PEX1: variants seen among roughly 807,000 people sequenced by gnomAD.
The protein encoded by PEX1 is peroxisomal biogenesis factor 1.
In PEX1, 97 loss-of-function variants were observed where a neutral mutation model predicts 152.5. The ratio of observed to expected loss-of-function variants is 0.64; its 90% CI spans 0.54 to 0.75. The LOEUF (loss-of-function observed/expected upper bound fraction) is 0.75, where lower values mean the gene tolerates loss of function less well. Ranked by LOEUF, PEX1 falls within the 30% of genes least tolerant of loss-of-function variation. The pLI is 0.00. For missense variants in PEX1, 1,357 were observed against 1,516.3 expected, an observed-to-expected ratio of 0.89 and a Z score of 1.74; for synonymous variants, 485 against 531.6, an observed-to-expected ratio of 0.91 and a Z score of 1.21.
At chr7:92,488,511 T>TA (rs1791063139) in intron 23 of PEX1, among the ~76,000 whole-genome samples, 1 of 152,174 alleles carries the variant, frequency 6.6e-6, no homozygotes, top group South Asian at 2.1e-4. Context: ...TAGGTGGCCA[T>TA]AAACTCAATT....
rs1445810034 is a variant in PEX1 at position 92,491,521 on chromosome 7, C to A, written c.3208-19G>T. 1 of 1,448,152 alleles carries A rather than the reference C, an allele frequency of 6.9e-7. No homozygotes were observed. Among genetic ancestry groups the A allele is most frequent in the Non-Finnish European group, 9.7e-7 (1 of 1,029,674 alleles). The allele number at this position is 1,448,152 out of a possible 1,614,324, so 89.7% of individuals were successfully genotyped here. ...TTCCATCCTAAAATACACAAAAGGA[C>A]AACCAGTTTAAAGATGTAAACAATT... On this transcript the variant is annotated intron_variant, in intron 20 of 23. Coordinates refer to ENST00000248633, the MANE Select transcript of PEX1 (RefSeq NM_000466.3).
intron 16 of PEX1, 26 bp from the exon 17 acceptor site, chr7:92,496,803 TA>T: frequency 7.0e-7 from 1 of 1,425,282 alleles, no homozygotes; most frequent in African/African-American, 1.4e-5. Flanking sequence ...AGAGTTGAGA[TA>T]AAATTATTTA....
intron 9 of PEX1, among the ~76,000 whole-genome samples, chr7:92,508,216 G>A (rs1212441471): frequency 6.6e-6 from 1 of 152,132 alleles, no homozygotes; most frequent in African/African-American, 2.4e-5. Context: ...TCTTGACTGT[G>A]ACTGCCTGCC....
rs1345389442 is a variant in PEX1, at chr7:92,509,387, C to T, written c.1612G>A (p.Glu538Lys). The T allele has an allele frequency of 2.5e-6, 4 of 1,612,170 alleles. No homozygotes were observed. The African/African-American group carries it at 4.0e-5, about 16-fold the overall frequency. Reference sequence around the variant, plus strand: ...AAGTCAATTTCCTCACTGTTTTCTTCTTTTACCATAGGATCTAGAAGGACC... The same window carrying T: ...AAGTCAATTTCCTCACTGTTTTCTTTTTTTACCATAGGATCTAGAAGGACC... Reference protein sequence around the residue: ...IQVLLDPMVKEENSEEIDFIL... With the variant: ...IQVLLDPMVKKENSEEIDFIL... The change falls in exon 9 of 24, where the codon GAA (glutamate) becomes AAA (lysine). Residue 538 changes from glutamate (E) to lysine (K), a missense_variant. Transcript: ENST00000248633.
rs760620313 is a variant in PEX1, at chr7:92,494,343, G to A, written c.2980C>T (p.Leu994Phe). 1.9e-6 allele frequency: 3 copies of A among 1,614,030 alleles called. No homozygotes were observed. The highest frequency in any genetic ancestry group is 2.5e-6 in the Non-Finnish European group (3 of 1,179,978). The change falls in exon 19 of 24, where the codon CTT becomes TTT. Residue 994 changes from leucine to phenylalanine, a missense_variant. Leu to Phe is a conservative substitution (Grantham distance 22). Transcript: ENST00000248633. ...CATTTATCTAGTCGACCAGGCCTAAGCAGGGCAGGGTCAATCAAGTCAGGG... is the reference window on the plus strand; with the variant it reads ...CATTTATCTAGTCGACCAGGCCTAAACAGGGCAGGGTCAATCAAGTCAGGG... ...SRPDLIDPAL[L>F]RPGRLDKCVY... is the part of the protein sequence containing the mutation.
rs746068061 is a variant in PEX1 at position 92,489,801 on chromosome 7, C to G, written c.3549G>C (p.Glu1183Asp). Residue 1183 changes from glutamate to aspartate, a missense_variant, in exon 22 of 24, where the codon GAG (glutamate) becomes GAC (aspartate). Transcript: ENST00000248633. The part of the protein sequence containing the change: ...QPPVLRTASQ[E>D]GCQELTQEQR... ...GTTCTTGTGTAAGTTCTTGGCAACC[C>G]TCTTGTGAAGCTGTCCTTAACACTG... The G allele has an allele frequency of 1.5e-5, 24 of 1,613,918 alleles. No homozygotes were observed. In the Admixed American group the frequency reaches 2.0e-4, roughly 13 times the overall value.
rs781110588 is a variant in PEX1, at chr7:92,489,766, T to C, written c.3584A>G (p.Gln1195Arg). 1.4e-5 allele frequency: 23 copies of C among 1,614,046 alleles called. No individual in the cohort carries two copies. The highest frequency in any genetic ancestry group is 1.9e-5 in the Non-Finnish European group (23 of 1,180,026). ...GATAATACTGATATCTGCCCTCAGTTGATCTCTTTGTTCTTGTGTAAGTTC... is the reference window on the plus strand; with the variant it reads ...GATAATACTGATATCTGCCCTCAGTCGATCTCTTTGTTCTTGTGTAAGTTC... ...CQELTQEQRD[Q>R]LRADISIIKG... The change falls in exon 22 of 24, where the codon CAA becomes CGA. Residue 1195 changes from glutamine (Q) to arginine (R), a missense_variant. Coordinates refer to ENST00000248633, the MANE Select transcript of PEX1 (RefSeq NM_000466.3).
chr7:92,494,206 C>T, intron 19 of PEX1, 87 bp downstream of exon 19: 5 of 963,580 alleles, frequency 5.2e-6, no homozygotes, highest in Non-Finnish European at 8.3e-6. Flanking sequence ...CTTCTAAGGA[C>T]AATTGCCATT....
At chr7:92,511,450 C>T (rs1454692771) in intron 7 of PEX1, 130 bp downstream of exon 7, 1 of 793,258 alleles carries the variant, frequency 1.3e-6, no homozygotes, top group African/African-American at 1.7e-5. Context: ...TACATAAAAA[C>T]TACTGTTTAA....
chr7:92,526,207 G>C (rs1418430240), intron 1 of PEX1, among the ~76,000 whole-genome samples: 2 of 152,166 alleles, frequency 1.3e-5, no homozygotes, highest in East Asian at 3.8e-4. Flanking sequence ...CAACTCTTTT[G>C]TGCATCCAAG....
At chr7:92,509,531 C>T in intron 8 of PEX1, 120 bp from the exon 9 acceptor site, 1 of 699,446 alleles carries the variant, frequency 1.4e-6, no homozygotes, top group South Asian at 1.5e-5. Flanking sequence ...ATTATGCATG[C>T]AAGATCATTA....
intron 12 of PEX1, among the ~76,000 whole-genome samples, chr7:92,503,398 A>T (rs1211628627): frequency 6.6e-6 from 1 of 152,174 alleles, no homozygotes; most frequent in Non-Finnish European, 1.5e-5. Context: ...TCTAATGGAG[A>T]CACAAGAGGT....
chr7:92,498,635 C>T (rs35766680), intron 16 of PEX1, among the ~76,000 whole-genome samples: 7,382 of 152,170 alleles, frequency 0.049, 225 homozygotes, highest in African/African-American at 0.081. Context: ...TCTGAAATTA[C>T]ACAGCTAAGA....
Position 92,516,535 on chromosome 7 carries a change from C to G in PEX1, c.1239+741G>C, listed in dbSNP as rs555933328. Among the ~76,000 whole-genome samples, 6 of 151,948 alleles carry G rather than the reference C, an allele frequency of 3.9e-5. No homozygotes were observed. The East Asian group carries it at 1.2e-3, about 29-fold the overall frequency. On this transcript the variant is annotated intron_variant, in intron 5 of 23. Transcript: ENST00000248633. ...AAACTGTTGGAGAAAAAAAAAAAAT[C>G]TACAAAAGGAGACAACCTTCTCTTT...
chr7:92,489,540 T>C, intron 22 of PEX1, 117 bp from the exon 23 acceptor site: 1 of 1,065,034 alleles, frequency 9.4e-7, no homozygotes, highest in African/African-American at 1.6e-5. Context: ...TTCTCTTCCT[T>C]ATAAGATAAT....
intron 1 of PEX1, 61 bp downstream of exon 1, chr7:92,528,246 G>T: frequency 6.5e-7 from 1 of 1,540,942 alleles, no homozygotes. Context: ...GCGTCCCTGA[G>T]AGGCTTCGGC....
rs199591182 is a variant in PEX1 at position 92,517,970 on chromosome 7, C to T, written c.545G>A (p.Arg182His). Residue 182 changes from arginine to histidine, a missense_variant, in exon 5 of 24, where the codon CGC (arginine) becomes CAC (histidine). Arg to His is a conservative substitution (Grantham distance 29). Coordinates refer to ENST00000248633, the MANE Select transcript of PEX1 (RefSeq NM_000466.3). ...TGAAAATGTATTCTCTTTGGCTCGG[C>T]GTGTCTTTGGCTGAATAAGGAGTTT... Reference protein sequence around the residue: ...DTKLLIQPKTRRAKENTFSKA... With the variant: ...DTKLLIQPKTHRAKENTFSKA... The T allele has an allele frequency of 1.7e-5, 28 of 1,611,920 alleles. No homozygotes were observed. Among genetic ancestry groups the T allele is most frequent in the Admixed American group, 3.4e-5 (2 of 59,574 alleles).
At chr7:92,497,797 C>G (rs747800249) in intron 16 of PEX1, among the ~76,000 whole-genome samples, 37 of 152,088 alleles carry the variant, frequency 2.4e-4, no homozygotes, top group African/African-American at 8.9e-4. Context: ...AGACCGGGCA[C>G]GGTGGTTCTC....
rs1791594985 is a variant in PEX1, at chr7:92,495,256, C to A, written c.2784-627G>T. ...AAATAAGTGAATATTAATTCCATAT[C>A]TGGCAACAGGTGGACTAGATGTCTG... On this transcript the variant is annotated intron_variant, in intron 17 of 23. Transcript: ENST00000248633. 2.0e-5 allele frequency among the ~76,000 whole-genome samples: 3 copies of A among 151,932 alleles called. 1 individual carries two copies. In the South Asian group the frequency reaches 6.2e-4, roughly 31 times the overall value.
Sources: gnomAD v4.1 joint callset for allele counts (sites outside exome capture counted in the v4.1 genomes callset) on GRCh38, gnomAD v4.1.1 for gene constraint, MANE v1.5 for transcripts, NCBI Gene and HGNC (gene_info 2026-07-23, HGNC 2026-07-21) for gene names.